SLCO1A2: variants seen among roughly 807,000 people sequenced by gnomAD.
The protein encoded by SLCO1A2 is solute carrier organic anion transporter family member 1A2.
A neutral mutation model predicts 69.0 loss-of-function variants in SLCO1A2; 67 were observed. That is an observed-to-expected ratio of 0.97 (90% confidence interval 0.80 to 1.19). The LOEUF (loss-of-function observed/expected upper bound fraction) is 1.19. Among genes scored for constraint, SLCO1A2 ranks in the 50% most tolerant of loss-of-function variants. SLCO1A2 has a pLI of 0.00. For missense variants in SLCO1A2, 787 were observed against 793.7 expected (o/e 0.99, Z 0.10); for synonymous variants, 260 against 265.9 (o/e 0.98, Z 0.22).
chr12:21,277,005 G>C (rs1213422756), intron 12 of SLCO1A2, among the ~76,000 whole-genome samples: 1 of 152,202 alleles, frequency 6.6e-6, no homozygotes, highest in Non-Finnish European at 1.5e-5. Context: ...CTAGTGCTGA[G>C]CTGGGCTCAG....
chr12:21,384,308 C>A (rs1223098410), intron 1 of SLCO1A2, among the ~76,000 whole-genome samples: 2 of 152,130 alleles, frequency 1.3e-5, no homozygotes, highest in East Asian at 1.9e-4. Flanking sequence ...ATTAATCTAC[C>A]CAAATCCTAA....
chr12:21,324,416 T>C (rs1952037200), intron 2 of SLCO1A2, among the ~76,000 whole-genome samples: 1 of 152,300 alleles, frequency 6.6e-6, no homozygotes, highest in East Asian at 1.9e-4. Context: ...CAGCAAGAAA[T>C]TGACTGACCA....
In SLCO1A2 at chr12:21,330,100, C is replaced by T. The variant is rs576399686; in HGVS notation, c.60+4488G>A. Reference sequence around the variant, plus strand: ...AGTGAAATATTACTTCTACATGACACATATAAACATATAGCTATAACAGAC... The same window carrying T: ...AGTGAAATATTACTTCTACATGACATATATAAACATATAGCTATAACAGAC... On this transcript the variant is annotated intron_variant, in intron 2 of 14. Coordinates refer to ENST00000683939, the MANE Select transcript of SLCO1A2 (RefSeq NM_001386879.1). Among the ~76,000 whole-genome samples the T allele has an allele frequency of 2.0e-5, 3 of 152,116 alleles. No homozygotes were observed. The South Asian group carries it at 6.2e-4, about 32-fold the overall frequency.
chr12:21,301,330 G>A (rs1292851172), intron 6 of SLCO1A2, 61 bp from the exon 7 acceptor site: 29 of 1,116,726 alleles, frequency 2.6e-5, no homozygotes, highest in Non-Finnish European at 3.1e-5. Context: ...AAGAGTTCTA[G>A]GTCTATGAAA....
At chr12:21,406,388 A>G (rs1941824759) in intron 1 of SLCO1A2, among the ~76,000 whole-genome samples, 1 of 152,236 alleles carries the variant, frequency 6.6e-6, no homozygotes, top group Non-Finnish European at 1.5e-5. Context: ...GTGAAGCTCT[A>G]TGGACAAAAC....
chr12:21,269,815 A>G, intron 14 of SLCO1A2, 48 bp from the exon 15 acceptor site: 1 of 1,402,004 alleles, frequency 7.1e-7, no homozygotes, highest in Non-Finnish European at 9.7e-7. Context: ...TAGTGTGGTT[A>G]GTGCAAACTA....
chr12:21,414,655 T>C (rs928881610), intron 1 of SLCO1A2, among the ~76,000 whole-genome samples: 3 of 152,294 alleles, frequency 2.0e-5, no homozygotes, highest in Admixed American at 2.0e-4. Context: ...AGAAAAATGC[T>C]ATACCTGTCT....
At chr12:21,328,153 T>TTGTGAGGCCTCCCCAACCATGTGGAAC (rs1467932797) in intron 2 of SLCO1A2, among the ~76,000 whole-genome samples, 2 of 152,178 alleles carry the variant, frequency 1.3e-5, no homozygotes, top group African/African-American at 4.8e-5. Context: ...TCCGTCGTAA[T>TTGTGAGGCCTCCCCAACCATGTGGAAC]TGTGAGGCCT....
chr12:21,342,067 A>G (rs1260447864), intron 2 of SLCO1A2, among the ~76,000 whole-genome samples: 1 of 152,024 alleles, frequency 6.6e-6, no homozygotes, highest in Non-Finnish European at 1.5e-5. Context: ...TAAATGATCT[A>G]TATTTGTGGT....
upstream of SLCO1A2, among the ~76,000 whole-genome samples, chr12:21,338,601 A>G (rs957797339): frequency 1.3e-5 from 2 of 151,902 alleles, no homozygotes; most frequent in Admixed American, 6.6e-5. Flanking sequence ...TAGTCCCTTA[A>G]TGAAATCTTT....
intron 2 of SLCO1A2, chr12:21,319,408 A>G: frequency 7.3e-7 from 1 of 1,367,896 alleles, no homozygotes; most frequent in Non-Finnish European, 9.8e-7. Flanking sequence ...CTTGCTTGCA[A>G]TTCTTGGTCA....
chr12:21,319,177 GAAAC>G (rs1052388015), intron 2 of SLCO1A2, among the ~76,000 whole-genome samples: 12 of 152,120 alleles, frequency 7.9e-5, no homozygotes, highest in Non-Finnish European at 8.8e-5. Flanking sequence ...TACATACATA[GAAAC>G]AAACAGTCAT....
At chr12:21,325,478 T>C (rs1259598946) in intron 2 of SLCO1A2, among the ~76,000 whole-genome samples, 4 of 152,226 alleles carry the variant, frequency 2.6e-5, no homozygotes, top group Admixed American at 2.0e-4. Flanking sequence ...CAGCAAGGGA[T>C]TGAGCCAAGG....
intron 2 of SLCO1A2, among the ~76,000 whole-genome samples, chr12:21,372,718 G>A (rs1190900051): frequency 6.6e-6 from 1 of 152,170 alleles, no homozygotes; most frequent in Non-Finnish European, 1.5e-5. Flanking sequence ...AGGACACTGT[G>A]TATTTGCTAC....
intron 2 of SLCO1A2, among the ~76,000 whole-genome samples, chr12:21,355,965 A>T (rs1938331890): frequency 6.6e-6 from 1 of 152,162 alleles, no homozygotes; most frequent in African/African-American, 2.4e-5. Context: ...GTAACAGCAT[A>T]TCAGATACAG....
At chr12:21,357,319 A>C (rs1262727018) in intron 2 of SLCO1A2, among the ~76,000 whole-genome samples, 1 of 152,212 alleles carries the variant, frequency 6.6e-6, no homozygotes, top group East Asian at 1.9e-4. Flanking sequence ...ATAATGCCTC[A>C]TGGGAATGAA....
chr12:21,348,715 C>T (rs899990903), intron 2 of SLCO1A2, among the ~76,000 whole-genome samples: 1 of 152,148 alleles, frequency 6.6e-6, no homozygotes, highest in Non-Finnish European at 1.5e-5. Flanking sequence ...AGCCAGAAGA[C>T]ATCTTTATCA....
At chr12:21,270,414 A>G (rs1349503669) in intron 14 of SLCO1A2, among the ~76,000 whole-genome samples, 1 of 151,768 alleles carries the variant, frequency 6.6e-6, no homozygotes, top group Admixed American at 6.6e-5. Context: ...ATTTTTATGT[A>G]GAATTTTTGC....
Position 21,266,439 on chromosome 12 carries a change from A to G in SLCO1A2, c.*3109T>C, listed in dbSNP as rs886669391. 4 of 152,148 alleles carry G rather than the reference A, an allele frequency of 2.6e-5. No individual in the cohort carries two copies. Among genetic ancestry groups the G allele is most frequent in the Non-Finnish European group, 5.9e-5 (4 of 68,024 alleles). 9.4% of individuals were successfully genotyped at this position (152,148 alleles called of 1,614,324 possible). ...AAGGGTCTTTACCACTTCGTGTGCT[A>G]TTACTCAAATTTCTTAAAATCATCT... On this transcript the variant is annotated 3_prime_UTR_variant, in exon 15 of 15. Transcript: ENST00000683939.
Sources: allele counts gnomAD v4.1 joint callset (sites outside exome capture counted in the v4.1 genomes callset), GRCh38; gene constraint gnomAD v4.1.1; transcripts MANE v1.5; gene names NCBI Gene and HGNC (gene_info 2026-07-23, HGNC 2026-07-21).